TNKS1BP1: variants seen among roughly 807,000 people sequenced by gnomAD.
TNKS1BP1 encodes CCR4-NOT transcription complex subunit 12.
In TNKS1BP1, 48 loss-of-function variants were observed where a neutral mutation model predicts 141.1. The ratio of observed to expected loss-of-function variants is 0.34; its 90% CI spans 0.27 to 0.43. TNKS1BP1 has a LOEUF of 0.43. Ranked by LOEUF, TNKS1BP1 falls within the 20% of genes least tolerant of loss-of-function variation. TNKS1BP1 has a pLI of 1.00. For missense variants in TNKS1BP1, 2,149 were observed against 2,226.0 expected, an observed-to-expected ratio of 0.97 and a Z score of 0.70; for synonymous variants, 875 against 898.2, an observed-to-expected ratio of 0.97 and a Z score of 0.46.
At position 57,321,754 on chromosome 11, in the gene TNKS1BP1, C is replaced by A; in HGVS notation, c.94+38G>T. 10 of 1,551,936 alleles carry A rather than the reference C, an allele frequency of 6.4e-6. No individual in the cohort carries two copies. In the South Asian group the frequency reaches 1.0e-4, roughly 16 times the overall value. On this transcript the variant is annotated intron_variant, in intron 2 of 11. Transcript: ENST00000358252. ...GGCAGCCTCTGTCCTTCCCACCCCC[C>A]TCCCAGCCACCTGGCTCCACCCTGC...
At position 57,317,833 on chromosome 11, in the gene TNKS1BP1, C is replaced by A; in HGVS notation, c.783G>T (p.Ser261=). 1 of 1,613,994 alleles carries A rather than the reference C, an allele frequency of 6.2e-7. No individual in the cohort carries two copies. The highest frequency in any genetic ancestry group is 8.5e-7 in the Non-Finnish European group (1 of 1,179,876). The change falls in exon 4 of 12, where the codon TCG becomes TCT. Residue 261 remains serine (S), a synonymous_variant. Transcript: ENST00000358252. The stretch of plus-strand genomic sequence containing the variant: ...GATAACTCACATCAGCAGGTAGCTC[C>A]GAGCTGGCTGCCTTAGCCAGGTCCC... ...FNGDLAKAAS[S]ELPADISKPW...
Position 57,321,921 on chromosome 11 carries a change from A to T in TNKS1BP1, c.-36T>A. On this transcript the variant is annotated 5_prime_UTR_variant, in exon 2 of 12. Coordinates refer to ENST00000358252, the MANE Select transcript of TNKS1BP1 (RefSeq NM_033396.3). ...AGACCCTCCTTGAGAGCGGGGAGGC[A>T]GAGAGGTATGAGCTGGGGTGGCTGC... The T allele has an allele frequency of 6.2e-7, 1 of 1,612,732 alleles. No homozygotes were observed. Among genetic ancestry groups the T allele is most frequent in the African/African-American group, 1.3e-5 (1 of 75,022 alleles).
rs749908324 is a variant in TNKS1BP1, at chr11:57,300,974, T to C, written c.5039A>G (p.Lys1680Arg). The C allele has an allele frequency of 3.1e-6, 5 of 1,614,162 alleles. No homozygotes were observed. Among genetic ancestry groups the C allele is most frequent in the Non-Finnish European group, 4.2e-6 (5 of 1,180,020 alleles). The change falls in exon 10 of 12, where the codon AAG becomes AGG. Residue 1680 changes from lysine to arginine, a missense_variant. Coordinates refer to ENST00000358252, the MANE Select transcript of TNKS1BP1 (RefSeq NM_033396.3). The part of the protein sequence containing the change: ...GELAESKSSQ[K>R]ESAVQRSKSC... ...TTTCGAACGCTGGACCGCGGACTCC[T>C]TCTGGCTCGACTTGCTCTCAGCCAG...
At position 57,312,686 on chromosome 11, in the gene TNKS1BP1, A is replaced by G; in HGVS notation, c.2002T>C (p.Leu668=). Residue 668 remains leucine (L), a synonymous_variant, in exon 5 of 12, where the codon TTG becomes CTG. Transcript: ENST00000358252. ...GGAGGCTCGGGGGATGCCCTACACA[A>G]GTCTTGAGCCTCTGTCCTGGCTTGG... ...TTQARTEAQD[L]CRASPEPPGP... 6.3e-7 allele frequency: 1 copy of G among 1,577,498 alleles called. No homozygotes were observed. Among genetic ancestry groups the G allele is most frequent in the Non-Finnish European group, 8.6e-7 (1 of 1,163,150 alleles).
At chr11:57,303,042 G>A (rs552632267) in intron 6 of TNKS1BP1, 4 of 486,728 alleles carry the variant, frequency 8.2e-6, no homozygotes, top group Non-Finnish European at 1.4e-5. Flanking sequence ...CTGAGACCTC[G>A]GGTGAGCCCC....
intron 6 of TNKS1BP1, among the ~76,000 whole-genome samples, chr11:57,305,365 A>G (rs1855593366): frequency 6.6e-6 from 1 of 152,226 alleles, no homozygotes; most frequent in Non-Finnish European, 1.5e-5. Context: ...GATAGTCATT[A>G]TCATCCTCAA....
In TNKS1BP1 at chr11:57,320,204, G is replaced by C; in HGVS notation, c.603C>G (p.Thr201=). 2 of 1,614,226 alleles carry C rather than the reference G, an allele frequency of 1.2e-6. No homozygotes were observed. Among genetic ancestry groups the C allele is most frequent in the South Asian group, 1.1e-5 (1 of 91,088 alleles). The change falls in exon 3 of 12, where the codon ACC becomes ACG. Residue 201 remains threonine (T), a synonymous_variant. Transcript: ENST00000358252. ...CCCTGGGAGCAGTGGTCGTGCCATA[G>C]GTCCTGGGGCCATATCGCGAGCTGC... ...HDGSSRYGPR[T]YGTTTAPRDE...
In TNKS1BP1 at chr11:57,310,117, T is replaced by C. The variant is rs866431121; in HGVS notation, c.2594A>G (p.Gln865Arg). 3 of 1,614,194 alleles carry C rather than the reference T, an allele frequency of 1.9e-6. No individual in the cohort carries two copies. Among genetic ancestry groups the C allele is most frequent in the Non-Finnish European group, 2.5e-6 (3 of 1,180,040 alleles). The change falls in exon 6 of 12, where the codon CAG becomes CGG. Residue 865 changes from glutamine to arginine, a missense_variant. Physicochemically the swap from Gln to Arg is conservative, Grantham distance 43. Transcript: ENST00000358252. ...YSSRDAELQD[Q>R]EFGKRDSLGT... ...CAGTGAATCTCTCTTTCCGAATTCC[T>C]GGTCCTGGAGTTCTGCATCCCGGCT...
chr11:57,315,239 C>T (rs1855780416), intron 4 of TNKS1BP1, among the ~76,000 whole-genome samples: 1 of 152,028 alleles, frequency 6.6e-6, no homozygotes, highest in Non-Finnish European at 1.5e-5. Context: ...CCCACCCCCA[C>T]CGCCTATCTG....
At chr11:57,304,824 A>C (rs1855582571) in intron 6 of TNKS1BP1, among the ~76,000 whole-genome samples, 1 of 137,500 alleles carries the variant, frequency 7.3e-6, no homozygotes, top group Non-Finnish European at 1.5e-5. Context: ...GTGAGCCAAG[A>C]CCGCGCCACT....
At chr11:57,310,614 G>A (rs1855691507) in intron 5 of TNKS1BP1, 58 bp from the exon 6 acceptor site, 3 of 1,549,318 alleles carry the variant, frequency 1.9e-6, no homozygotes, top group Non-Finnish European at 1.7e-6. Flanking sequence ...ATCAGGGTGG[G>A]AGTCAATCCA....
At chr11:57,324,088 C>A (rs1170099080) in intron 1 of TNKS1BP1, among the ~76,000 whole-genome samples, 3 of 152,210 alleles carry the variant, frequency 2.0e-5, no homozygotes, top group Non-Finnish European at 4.4e-5. Flanking sequence ...AGGGTAGAAA[C>A]GAGCTGACCC....
chr11:57,301,733 G>A, intron 9 of TNKS1BP1, 74 bp downstream of exon 9: 1 of 1,551,054 alleles, frequency 6.4e-7, no homozygotes, highest in Non-Finnish European at 8.8e-7. Context: ...GATGGATGAA[G>A]AGAAGAAAGA....
chr11:57,321,746 C>T (rs1464301337), intron 2 of TNKS1BP1, 46 bp downstream of exon 2: 32 of 822,372 alleles, frequency 3.9e-5, no homozygotes, highest in Non-Finnish European at 5.8e-5. Context: ...TCTGTCCTTC[C>T]CACCCCCCTC....
chr11:57,314,928 G>A (rs376217369), intron 4 of TNKS1BP1, among the ~76,000 whole-genome samples: 7 of 152,104 alleles, frequency 4.6e-5, no homozygotes, highest in African/African-American at 9.6e-5. Context: ...CCTCTGCAAC[G>A]TTCTAATGTC....
At position 57,324,925 on chromosome 11, in the gene TNKS1BP1, C is replaced by A; in HGVS notation, c.-151G>T. The A allele has an allele frequency of 2.0e-6, 2 of 994,214 alleles. No homozygotes were observed. Among genetic ancestry groups the A allele is most frequent in the Non-Finnish European group, 2.4e-6 (2 of 837,260 alleles). 61.6% of individuals were successfully genotyped at this position (994,214 alleles called of 1,614,324 possible). A position where few individuals can be genotyped will look rare whatever the true frequency, so the allele number is the denominator to read the frequency against. Reference sequence around the variant, plus strand: ...CCGCCGCTGCTACCGCCGCCGCCGCCGCCGTCACCGCGGGACGAAGCCACT... The same window carrying A: ...CCGCCGCTGCTACCGCCGCCGCCGCAGCCGTCACCGCGGGACGAAGCCACT... On this transcript the variant is annotated 5_prime_UTR_variant, in exon 1 of 12. Coordinates refer to ENST00000358252, the MANE Select transcript of TNKS1BP1 (RefSeq NM_033396.3).
Position 57,320,681 on chromosome 11 carries a change from G to A in TNKS1BP1, c.126C>T (p.Pro42=), listed in dbSNP as rs2134375044. ...GCTTGGCAGGCAGGGCCCGGGGTTT[G>A]GGCTTGACAGGGGGTTTGGCCCGAG... ...GDTRAKPPVK[P]KPRALPAKPA... The change falls in exon 3 of 12, where the codon CCC becomes CCT. Residue 42 remains proline (P), a synonymous_variant. Coordinates refer to ENST00000358252, the MANE Select transcript of TNKS1BP1 (RefSeq NM_033396.3). The A allele has an allele frequency of 2.5e-6, 4 of 1,605,084 alleles. No individual in the cohort carries two copies. In the South Asian group the frequency reaches 3.3e-5, roughly 13 times the overall value.
chr11:57,320,022 A>ACCCCCCC lies in TNKS1BP1; in HGVS notation c.728+56_728+57insGGGGGGG. The ACCCCCCC allele has an allele frequency of 8.0e-6, 9 of 1,118,672 alleles. No homozygotes were observed. In the East Asian group the frequency reaches 9.3e-5, roughly 12 times the overall value. 69.3% of individuals were successfully genotyped at this position (1,118,672 alleles called of 1,614,324 possible). On this transcript the variant is annotated intron_variant, in intron 3 of 11. Coordinates refer to ENST00000358252, the MANE Select transcript of TNKS1BP1 (RefSeq NM_033396.3). ...GCACTTGGTCCCCAGCCCCCACCCA[A>ACCCCCCC]TCCCACCCCACCTGACCTCCAGGCT...
intron 5 of TNKS1BP1, chr11:57,311,396 T>G: frequency 1.0e-6 from 1 of 985,748 alleles, no homozygotes; most frequent in Non-Finnish European, 1.2e-6. Flanking sequence ...TTGGGGCTGC[T>G]GGGTGCGGCC....
Sources: gnomAD v4.1 joint callset for allele counts (sites outside exome capture counted in the v4.1 genomes callset) on GRCh38, gnomAD v4.1.1 for gene constraint, MANE v1.5 for transcripts, NCBI Gene and HGNC (gene_info 2026-07-23, HGNC 2026-07-21) for gene names.